Variants in LINGO2 observed in about 807,000 individuals in gnomAD.
LINGO2 encodes the protein leucine rich repeat and Ig domain containing 2, also known as leucine-rich repeat and immunoglobulin-like domain-containing nogo receptor-interacting protein 2.
A neutral mutation model predicts 30.6 loss-of-function variants in LINGO2; 14 were observed. The observed-to-expected ratio is 0.46, with a 90% CI of 0.30 to 0.72. The LOEUF is 0.72. LINGO2 is among the 30% of genes least tolerant of loss of function. The pLI is 0.07. For synonymous variants in LINGO2, 317 were observed against 288.5 expected, an observed-to-expected ratio of 1.10 and a Z score of -1.00; for missense variants, 729 against 751.7, an observed-to-expected ratio of 0.97 and a Z score of 0.35.
chr9:28,803,049 A>G, the LINGO2 span, among the ~76,000 whole-genome samples: 1 of 152,054 alleles, frequency 6.6e-6, no homozygotes, highest in Non-Finnish European at 1.5e-5. Context: ...AGTAATAAGT[A>G]TCACCAGTTC....
intron 1 of LINGO2, among the ~76,000 whole-genome samples, chr9:28,651,114 C>T (rs1228151422): frequency 6.6e-6 from 1 of 151,310 alleles, no homozygotes; most frequent in Admixed American, 6.6e-5. Flanking sequence ...AACCCGGAGG[C>T]AGAGCTTGCA....
At chr9:28,796,714 T>A in the LINGO2 span, among the ~76,000 whole-genome samples, 1 of 152,080 alleles carries the variant, frequency 6.6e-6, no homozygotes, top group African/African-American at 2.4e-5. Context: ...TTTAAAGATT[T>A]CCAAATTTTA....
chr9:28,389,675 C>T (rs10968552), intron 2 of LINGO2, among the ~76,000 whole-genome samples: 9,931 of 152,228 alleles, frequency 0.065, 453 homozygotes, highest in East Asian at 0.19. Context: ...GCCAACCTAG[C>T]ATCTCAACTT....
At chr9:28,611,529 A>C (rs1024106524) in intron 1 of LINGO2, among the ~76,000 whole-genome samples, 25 of 152,212 alleles carry the variant, frequency 1.6e-4, no homozygotes, top group African/African-American at 5.5e-4. Context: ...TTTGAGAAAT[A>C]TCTCTCTAAT....
the LINGO2 span, among the ~76,000 whole-genome samples, chr9:28,868,930 T>C: frequency 6.6e-6 from 1 of 152,140 alleles, no homozygotes; most frequent in Non-Finnish European, 1.5e-5. Context: ...ACAATTATCA[T>C]TTACTGATAT....
the LINGO2 span, among the ~76,000 whole-genome samples, chr9:29,104,756 C>G: frequency 1.3e-5 from 2 of 152,168 alleles, no homozygotes; most frequent in Admixed American, 6.5e-5. Context: ...TACTCTACAT[C>G]TTAAAAACTT....
chr9:29,086,785 C>T, the LINGO2 span, among the ~76,000 whole-genome samples: 1 of 152,114 alleles, frequency 6.6e-6, no homozygotes, highest in East Asian at 1.9e-4. Flanking sequence ...GCTCTATATG[C>T]TAAATCTTGT....
the LINGO2 span, among the ~76,000 whole-genome samples, chr9:28,788,809 T>A: frequency 1.3e-5 from 2 of 152,130 alleles, no homozygotes; most frequent in Admixed American, 6.5e-5. Context: ...ATCTGGTCTC[T>A]CCCTTGACAT....
At chr9:28,822,012 C>T in the LINGO2 span, among the ~76,000 whole-genome samples, 1 of 152,204 alleles carries the variant, frequency 6.6e-6, no homozygotes, top group Admixed American at 6.5e-5. Context: ...TCAACAGAGA[C>T]CTGAAGCAGC....
intron 4 of LINGO2, among the ~76,000 whole-genome samples, chr9:28,110,537 AC>A (rs1353894491): frequency 6.6e-6 from 1 of 152,042 alleles, no homozygotes; most frequent in Non-Finnish European, 1.5e-5. Context: ...AAGAACCTAA[AC>A]AAATTTACAA....
At chr9:28,599,305 C>T (rs1825356325) in intron 1 of LINGO2, 1 of 152,146 alleles carries the variant, frequency 6.6e-6, no homozygotes, top group African/African-American at 2.4e-5. Flanking sequence ...CATTATGGAA[C>T]ATTTTTCTTG....
At chr9:29,056,314 A>C in the LINGO2 span, among the ~76,000 whole-genome samples, 5 of 152,126 alleles carry the variant, frequency 3.3e-5, no homozygotes, top group African/African-American at 1.2e-4. Context: ...AGGTGGTATC[A>C]CACTGTAGTT....
the LINGO2 span, among the ~76,000 whole-genome samples, chr9:29,142,211 T>C: frequency 6.6e-6 from 1 of 151,824 alleles, no homozygotes; most frequent in Admixed American, 6.6e-5. Context: ...AGTTTCTTTT[T>C]CAAATACAGT....
At chr9:29,077,283 T>C in the LINGO2 span, among the ~76,000 whole-genome samples, 10 of 152,012 alleles carry the variant, frequency 6.6e-5, no homozygotes, top group Admixed American at 1.3e-4. Context: ...ATCATGAAGC[T>C]GAAAACTAGT....
At chr9:28,597,310 C>A (rs546787369) in intron 1 of LINGO2, among the ~76,000 whole-genome samples, 1 of 152,238 alleles carries the variant, frequency 6.6e-6, no homozygotes, top group African/African-American at 2.4e-5. Flanking sequence ...AACTGCACTT[C>A]TTGGAATGGA....
At chr9:28,905,195 C>T in the LINGO2 span, among the ~76,000 whole-genome samples, 2 of 151,004 alleles carry the variant, frequency 1.3e-5, no homozygotes, top group Admixed American at 1.3e-4. Context: ...AACAGGGAAG[C>T]TCCACGCCAT....
Position 27,961,179 on chromosome 9 carries a change from G to A in LINGO2, c.-35-10473C>T, listed in dbSNP as rs1030788660. Among the ~76,000 whole-genome samples the A allele has an allele frequency of 2.6e-5, 4 of 152,286 alleles. No homozygotes were observed. The East Asian group carries it at 7.7e-4, about 29-fold the overall frequency. On this transcript the variant is annotated intron_variant, in intron 5 of 5. Transcript: ENST00000379992. ...ATTGTCCACCTTTAGGGTAATGTAAGTGTTGTGAGCACATATAAGTTAGGC... is the reference window on the plus strand; with the variant it reads ...ATTGTCCACCTTTAGGGTAATGTAAATGTTGTGAGCACATATAAGTTAGGC...
the LINGO2 span, among the ~76,000 whole-genome samples, chr9:28,804,323 C>T: frequency 7.2e-5 from 11 of 152,054 alleles, no homozygotes; most frequent in Non-Finnish European, 1.6e-4. Context: ...GGAACATTTG[C>T]AAGACACACA....
the LINGO2 span, among the ~76,000 whole-genome samples, chr9:28,884,642 A>G: frequency 6.7e-6 from 1 of 148,940 alleles, no homozygotes; most frequent in East Asian, 2.0e-4. Flanking sequence ...AAGTAAGTCA[A>G]TGGTTTAGAA....
Sources: gnomAD v4.1 joint callset for allele counts (sites outside exome capture counted in the v4.1 genomes callset) on GRCh38, gnomAD v4.1.1 for gene constraint, MANE v1.5 for transcripts, NCBI Gene and HGNC (gene_info 2026-07-23, HGNC 2026-07-21) for gene names.